The following CYTH3 variants were observed in gnomAD, a reference collection of about 807,000 sequenced individuals.
CYTH3 encodes cytohesin-3.
A neutral mutation model predicts 55.1 loss-of-function variants in CYTH3; 23 were observed. That is an observed-to-expected ratio of 0.42 (90% CI 0.30 to 0.59). CYTH3 has a LOEUF of 0.59. Among genes scored for constraint, CYTH3 ranks in the 20% least tolerant of loss-of-function variants. The pLI is 0.20. For synonymous variants in CYTH3, 249 were observed against 194.9 expected, an observed-to-expected ratio of 1.28 and a Z score of -2.31; for missense variants, 413 against 524.8, an observed-to-expected ratio of 0.79 and a Z score of 2.08.
intron 4 of CYTH3, among the ~76,000 whole-genome samples, chr7:6,186,607 A>C (rs919936213): frequency 2.0e-5 from 3 of 152,178 alleles, no homozygotes; most frequent in Non-Finnish European, 4.4e-5. Flanking sequence ...CTCTTATGTG[A>C]ACCACTTAAC....
intron 1 of CYTH3, among the ~76,000 whole-genome samples, chr7:6,216,683 G>C (rs1482938104): frequency 1.3e-5 from 2 of 152,008 alleles, no homozygotes; most frequent in Non-Finnish European, 2.9e-5. Context: ...AGAGGTTGCA[G>C]TCAGCCAAGA....
rs186069372 is a variant in CYTH3, at chr7:6,171,508, C to T, written c.450-194G>A. On this transcript the variant is annotated intron_variant, in intron 6 of 12. Coordinates refer to ENST00000350796, the MANE Select transcript of CYTH3 (RefSeq NM_004227.4). The surrounding 1 kb of genome is among the most constrained non-coding windows in gnomAD (Gnocchi z 6.7). Reference sequence around the variant, plus strand: ...TCCTTCCGTTCCATAACTCGAGACACGCTTACTGATGGCTCATCTTTTTGT... The same window carrying T: ...TCCTTCCGTTCCATAACTCGAGACATGCTTACTGATGGCTCATCTTTTTGT... 1.3e-5 allele frequency among the ~76,000 whole-genome samples: 2 copies of T among 152,276 alleles called. No individual in the cohort carries two copies. The highest frequency in any genetic ancestry group is 3.9e-4 in the East Asian group (2 of 5,184).
chr7:6,202,070 C>A (rs1784069979), intron 1 of CYTH3, among the ~76,000 whole-genome samples: 1 of 152,132 alleles, frequency 6.6e-6, no homozygotes, highest in African/African-American at 2.4e-5. Context: ...AGTCTATTTC[C>A]CAGTGTTTTC....
At chr7:6,229,782 A>C (rs1779343126) in intron 1 of CYTH3, among the ~76,000 whole-genome samples, 1 of 150,338 alleles carries the variant, frequency 6.7e-6, no homozygotes, top group Non-Finnish European at 1.5e-5. Context: ...ACACCACTGC[A>C]CTCCAGCCTG....
At chr7:6,218,385 G>C (rs1784471460) in intron 1 of CYTH3, among the ~76,000 whole-genome samples, 1 of 152,176 alleles carries the variant, frequency 6.6e-6, no homozygotes, top group African/African-American at 2.4e-5. Flanking sequence ...TCTAGATGCT[G>C]GGAAAGGGAA....
chr7:6,176,783 C>T (rs1222898251), intron 5 of CYTH3, among the ~76,000 whole-genome samples: 1 of 152,184 alleles, frequency 6.6e-6, no homozygotes, highest in African/African-American at 2.4e-5. Context: ...GAGCAGACCT[C>T]CTTGTCTCGT....
Position 6,187,126 on chromosome 7 carries a change from T to A in CYTH3, c.183-10A>T. The A allele has an allele frequency of 6.2e-7, 1 of 1,613,554 alleles. No individual in the cohort carries two copies. The highest frequency in any genetic ancestry group is 8.5e-7 in the Non-Finnish European group (1 of 1,179,468). On this transcript the variant is annotated splice_polypyrimidine_tract_variant and intron_variant, in intron 3 of 12. Transcript: ENST00000350796. The stretch of plus-strand genomic sequence containing the variant: ...CCTCTGAGTCGTTTTGCTATTGGTG[T>A]GAAATAATTTAAAAATCACTCATGC...
At chr7:6,211,350 A>C (rs1360209410) in intron 1 of CYTH3, among the ~76,000 whole-genome samples, 1 of 152,292 alleles carries the variant, frequency 6.6e-6, no homozygotes, top group Non-Finnish European at 1.5e-5. Flanking sequence ...GAAGCAGAAC[A>C]GAATGATGGC....
intron 1 of CYTH3, among the ~76,000 whole-genome samples, chr7:6,268,194 G>A (rs956246262): frequency 2.6e-5 from 4 of 151,914 alleles, no homozygotes; most frequent in African/African-American, 9.7e-5. Context: ...TTTGAGACAG[G>A]GTCTCACTCT....
intron 1 of CYTH3, among the ~76,000 whole-genome samples, chr7:6,236,935 A>C (rs933677802): frequency 2.0e-5 from 3 of 152,194 alleles, no homozygotes; most frequent in African/African-American, 7.2e-5. Context: ...AAAATTTACA[A>C]ATTTCCCAAT....
chr7:6,163,012 A>T lies in CYTH3; in HGVS notation c.*1932T>A, dbSNP rs753988416. 7 of 152,700 alleles carry T rather than the reference A, an allele frequency of 4.6e-5. No homozygotes were observed. The highest frequency in any genetic ancestry group is 1.0e-4 in the Non-Finnish European group (7 of 68,052). The allele number at this position is 152,700 out of a possible 1,614,324, so 9.5% of individuals were successfully genotyped here. On this transcript the variant is annotated 3_prime_UTR_variant, in exon 13 of 13. Transcript: ENST00000350796. ...ATGGAAGACTGGAGGCCAGAGTTGCATATCTACCAGTCAGGCATTTCAAGA... is the reference window on the plus strand; with the variant it reads ...ATGGAAGACTGGAGGCCAGAGTTGCTTATCTACCAGTCAGGCATTTCAAGA...
chr7:6,196,456 C>CTTTTTTTTT (rs5882084), intron 1 of CYTH3, among the ~76,000 whole-genome samples: 58 of 113,932 alleles, frequency 5.1e-4, no homozygotes, highest in Middle Eastern at 4.6e-3. Context: ...TTCTTTTTTT[C>CTTTTTTTTT]TTTTTTTTTT....
Position 6,162,642 on chromosome 7 carries a change from C to A in CYTH3, c.*2302G>T, listed in dbSNP as rs1052579159. On this transcript the variant is annotated 3_prime_UTR_variant, in exon 13 of 13. Coordinates refer to ENST00000350796, the MANE Select transcript of CYTH3 (RefSeq NM_004227.4). ...AACACAGCCTGGAGCTAGGCGATTT[C>A]CTTTGACCACAAAGTACCTGGAGTC... The A allele has an allele frequency of 6.6e-6, 1 of 152,258 alleles. No homozygotes were observed. Among genetic ancestry groups the A allele is most frequent in the African/African-American group, 2.4e-5 (1 of 41,446 alleles). 9.4% of individuals were successfully genotyped at this position (152,258 alleles called of 1,614,324 possible).
chr7:6,231,584 C>T (rs997876606), intron 1 of CYTH3, among the ~76,000 whole-genome samples: 2 of 152,234 alleles, frequency 1.3e-5, no homozygotes, highest in African/African-American at 4.8e-5. Flanking sequence ...ATGTATGTAT[C>T]AAACCAGTGT....
intron 1 of CYTH3, among the ~76,000 whole-genome samples, chr7:6,249,178 G>T (rs1379547118): frequency 1.3e-5 from 2 of 152,156 alleles, no homozygotes; most frequent in Non-Finnish European, 2.9e-5. Flanking sequence ...AAATGGGAAG[G>T]TTCACTATGT....
chr7:6,165,306 G>C lies in CYTH3; in HGVS notation c.1094C>G (p.Pro365Arg), dbSNP rs539932644. 1.2e-6 allele frequency: 2 copies of C among 1,613,832 alleles called. No individual in the cohort carries two copies. Among genetic ancestry groups the C allele is most frequent in the Non-Finnish European group, 1.7e-6 (2 of 1,179,902 alleles). The change falls in exon 12 of 13, where the codon CCG becomes CGG. Residue 365 changes from proline to arginine, a missense_variant. Pro to Arg is a moderately radical substitution (Grantham distance 103, BLOSUM62 -2). Transcript: ENST00000350796. ...TTTCATCCACTCCTCCTTCTCCTCC[G>C]GGCTCGGGGCTGAGATCCGGTACAC... Reference protein sequence around the residue: ...HVVYRISAPSPEEKEEWMKSI... With the variant: ...HVVYRISAPSREEKEEWMKSI...
chr7:6,245,305 C>T (rs1387509091), intron 1 of CYTH3, among the ~76,000 whole-genome samples: 1 of 151,826 alleles, frequency 6.6e-6, no homozygotes. Context: ...CTTTTTCATT[C>T]TAAATTTTCA....
At chr7:6,267,048 C>T (rs897970020) in intron 1 of CYTH3, among the ~76,000 whole-genome samples, 3 of 152,218 alleles carry the variant, frequency 2.0e-5, no homozygotes, top group African/African-American at 4.8e-5. Flanking sequence ...AGTGAGGACT[C>T]CTGAGATCTG....
At chr7:6,211,687 C>T (rs1251755053) in intron 1 of CYTH3, among the ~76,000 whole-genome samples, 1 of 152,050 alleles carries the variant, frequency 6.6e-6, no homozygotes, top group Admixed American at 6.5e-5. Flanking sequence ...ACTATAGTTA[C>T]CCTGTTGTGC....
Sources: allele counts gnomAD v4.1 joint callset (sites outside exome capture counted in the v4.1 genomes callset), GRCh38; gene constraint gnomAD v4.1.1; non-coding constraint Gnocchi (gnomAD v3.1); transcripts MANE v1.5; gene names NCBI Gene and HGNC (gene_info 2026-07-23, HGNC 2026-07-21).